PIP5K1B: variants seen among roughly 807,000 people sequenced by gnomAD.
The protein encoded by PIP5K1B is phosphatidylinositol 4-phosphate 5-kinase type-1 beta.
A neutral mutation model predicts 67.0 loss-of-function variants in PIP5K1B; 42 were observed. The ratio of observed to expected loss-of-function variants is 0.63; its 90% confidence interval spans 0.49 to 0.81. The LOEUF (loss-of-function observed/expected upper bound fraction) is 0.81. Among genes scored for constraint, PIP5K1B ranks in the 30% least tolerant of loss-of-function variants. PIP5K1B has a pLI of 0.00. For synonymous variants in PIP5K1B, 214 were observed against 231.4 expected (o/e 0.92, Z 0.68); for missense variants, 459 against 646.3 (o/e 0.71, Z 3.14).
At chr9:68,830,600 C>G (rs901713851) in intron 4 of PIP5K1B, among the ~76,000 whole-genome samples, 8 of 152,130 alleles carry the variant, frequency 5.3e-5, no homozygotes, top group African/African-American at 1.9e-4. Context: ...GTCCCTAATA[C>G]CAATAAACGT....
At chr9:68,999,012 A>G (rs1211343448) in intron 15 of PIP5K1B, among the ~76,000 whole-genome samples, 3 of 152,180 alleles carry the variant, frequency 2.0e-5, no homozygotes, top group Admixed American at 6.5e-5. Context: ...AGGTGTCAGT[A>G]GTGCCACACT....
intron 4 of PIP5K1B, among the ~76,000 whole-genome samples, chr9:68,850,117 T>G (rs997445162): frequency 4.5e-4 from 69 of 152,178 alleles, no homozygotes; most frequent in Non-Finnish European, 7.8e-4. Flanking sequence ...TCTATCTTGT[T>G]TTTCTACCAT....
intron 8 of PIP5K1B, among the ~76,000 whole-genome samples, chr9:68,906,080 A>G (rs146205201): frequency 6.6e-6 from 1 of 152,242 alleles, no homozygotes; most frequent in African/African-American, 2.4e-5. Flanking sequence ...GCTTGGTGGC[A>G]TGCTCATGGC....
At chr9:68,896,137 G>A (rs919201092) in intron 8 of PIP5K1B, among the ~76,000 whole-genome samples, 29 of 152,252 alleles carry the variant, frequency 1.9e-4, no homozygotes, top group East Asian at 9.6e-4. Context: ...TTCAAAAAAC[G>A]TAAAAACAGA....
At chr9:68,788,290 CT>C in intron 2 of PIP5K1B, 1 of 627,114 alleles carries the variant, frequency 1.6e-6, no homozygotes, top group Non-Finnish European at 2.8e-6. Context: ...TGACTTTTCC[CT>C]CTGCAGACTC....
intron 14 of PIP5K1B, among the ~76,000 whole-genome samples, chr9:68,969,459 G>T (rs140424905): frequency 1.1e-4 from 17 of 152,030 alleles, no homozygotes; most frequent in African/African-American, 3.1e-4. Flanking sequence ...ATTATTAGGG[G>T]TGCTGATTGT....
chr9:68,902,561 C>T (rs1825416526), intron 8 of PIP5K1B, among the ~76,000 whole-genome samples: 1 of 152,158 alleles, frequency 6.6e-6, no homozygotes, highest in South Asian at 2.1e-4. Context: ...ACAAATAAAG[C>T]TGCTGTGAAC....
chr9:68,732,656 G>A (rs1005186552), intron 1 of PIP5K1B, among the ~76,000 whole-genome samples: 1 of 152,186 alleles, frequency 6.6e-6, no homozygotes, highest in South Asian at 2.1e-4. Flanking sequence ...GAACCCAAAA[G>A]AAGACAAATT....
At chr9:68,826,059 G>A (rs981237872) in intron 4 of PIP5K1B, among the ~76,000 whole-genome samples, 9 of 152,166 alleles carry the variant, frequency 5.9e-5, no homozygotes, top group East Asian at 1.9e-4. Flanking sequence ...AGCCCGGGAA[G>A]AACAGCTAAC....
Position 68,888,967 on chromosome 9 carries a change from A to C in PIP5K1B, c.319-14A>C. 1 of 1,581,072 alleles carries C rather than the reference A, an allele frequency of 6.3e-7. No individual in the cohort carries two copies. Among genetic ancestry groups the C allele is most frequent in the Non-Finnish European group, 8.7e-7 (1 of 1,150,742 alleles). ...CAAGTATATGTTTTAATGTTTATTCATTTACCCTTTTAGTATTCCATCTGC... is the reference window on the plus strand; with the variant it reads ...CAAGTATATGTTTTAATGTTTATTCCTTTACCCTTTTAGTATTCCATCTGC... On this transcript the variant is annotated splice_polypyrimidine_tract_variant and intron_variant, in intron 6 of 15. Transcript: ENST00000265382.
At chr9:68,994,736 A>G (rs1564302762) in intron 15 of PIP5K1B, among the ~76,000 whole-genome samples, 1 of 152,228 alleles carries the variant, frequency 6.6e-6, no homozygotes, top group Admixed American at 6.5e-5. Context: ...AACCAAGTGA[A>G]GCATAAATTA....
At chr9:68,934,837 G>C in intron 12 of PIP5K1B, 53 bp from the exon 13 acceptor site, 2 of 1,243,398 alleles carry the variant, frequency 1.6e-6, no homozygotes, top group East Asian at 2.6e-5. Context: ...AAATAAAATA[G>C]TAATGTGATT....
chr9:68,961,777 G>T (rs1291332874), intron 14 of PIP5K1B, among the ~76,000 whole-genome samples: 2 of 152,180 alleles, frequency 1.3e-5, no homozygotes, highest in Non-Finnish European at 2.9e-5. Context: ...TCCTTGTGCT[G>T]TGACTAATGA....
intron 2 of PIP5K1B, among the ~76,000 whole-genome samples, chr9:68,770,838 T>C (rs1175097491): frequency 6.6e-6 from 1 of 152,132 alleles, no homozygotes; most frequent in Non-Finnish European, 1.5e-5. Flanking sequence ...TGTAGTGGGT[T>C]TGGGGTAGAA....
intron 14 of PIP5K1B, among the ~76,000 whole-genome samples, chr9:68,971,188 C>G (rs897984812): frequency 6.6e-6 from 1 of 152,082 alleles, no homozygotes; most frequent in Admixed American, 6.5e-5. Flanking sequence ...TGTTCCCTTC[C>G]CTGTGCCCAT....
intron 14 of PIP5K1B, among the ~76,000 whole-genome samples, chr9:68,965,213 A>G (rs910627548): frequency 1.0e-4 from 1 of 9,578 alleles, no homozygotes; most frequent in African/African-American, 1.1e-4. Flanking sequence ...ATAAGAAAAT[A>G]TATATGACTA....
chr9:68,966,985 G>C (rs1451488751), intron 14 of PIP5K1B, among the ~76,000 whole-genome samples: 2 of 152,090 alleles, frequency 1.3e-5, no homozygotes, highest in Non-Finnish European at 2.9e-5. Flanking sequence ...AACTATGATT[G>C]ATTTATTATG....
intron 14 of PIP5K1B, among the ~76,000 whole-genome samples, chr9:68,952,191 T>A (rs1828113648): frequency 6.6e-6 from 1 of 152,282 alleles, no homozygotes; most frequent in South Asian, 2.1e-4. Context: ...ACTGCCTTGT[T>A]CTTCGGTTTG....
Position 68,710,467 on chromosome 9 carries a change from A to G in PIP5K1B, c.-243+4705A>G, listed in dbSNP as rs1827332500. On this transcript the variant is annotated intron_variant, in intron 1 of 15. Transcript: ENST00000265382. ...AACAATCAGCTGCTATTGACAGAGA[A>G]TTGTATTCAGTCAGGTTCCTTTTCA... is the stretch of plus-strand genomic sequence containing the variant. Among the ~76,000 whole-genome samples the G allele has an allele frequency of 2.0e-5, 3 of 152,202 alleles. No individual in the cohort carries two copies. The South Asian group carries it at 6.2e-4, about 32-fold the overall frequency.
Sources: gnomAD v4.1 joint callset for allele counts (sites outside exome capture counted in the v4.1 genomes callset) on GRCh38, gnomAD v4.1.1 for gene constraint, MANE v1.5 for transcripts, NCBI Gene and HGNC (gene_info 2026-07-23, HGNC 2026-07-21) for gene names.